Variants in ATP8A1 observed in about 807,000 individuals in gnomAD.
The protein encoded by ATP8A1 is ATPase phospholipid transporting 8A1.
Under a neutral mutation model 177.7 loss-of-function variants are expected in ATP8A1, and 90 were observed. The ratio of observed to expected loss-of-function variants is 0.51; its 90% CI spans 0.43 to 0.60. ATP8A1 has a LOEUF of 0.60. ATP8A1 is among the 20% of genes least tolerant of loss of function. The pLI is 0.00. For synonymous variants in ATP8A1, 493 were observed against 485.9 expected, an observed-to-expected ratio of 1.01 and a Z score of -0.19; for missense variants, 1,072 against 1,392.8, an observed-to-expected ratio of 0.77 and a Z score of 3.67.
At chr4:42,448,401 C>CTTTTCTTTTTTTTTTTTTTTTTT (rs1553875016) in intron 30 of ATP8A1, among the ~76,000 whole-genome samples, 3 of 99,572 alleles carry the variant, frequency 3.0e-5, no homozygotes, top group Admixed American at 1.5e-4. Flanking sequence ...TCTTTCTTTT[C>CTTTTCTTTTTTTTTTTTTTTTTT]TTTTTTTTTT....
intron 20 of ATP8A1, among the ~76,000 whole-genome samples, chr4:42,538,959 T>C (rs1728107699): frequency 6.6e-6 from 1 of 152,154 alleles, no homozygotes; most frequent in African/African-American, 2.4e-5. Flanking sequence ...CTTGCACACA[T>C]GTTTATAGCA....
chr4:42,491,936 G>A (rs901143418), intron 24 of ATP8A1, among the ~76,000 whole-genome samples: 5 of 152,170 alleles, frequency 3.3e-5, no homozygotes, highest in Admixed American at 1.3e-4. Flanking sequence ...TCCATGACTC[G>A]TTAGCCAGGG....
At chr4:42,638,231 G>T (rs1739586781) in intron 1 of ATP8A1, among the ~76,000 whole-genome samples, 1 of 152,160 alleles carries the variant, frequency 6.6e-6, no homozygotes, top group East Asian at 1.9e-4. Context: ...CATGGTAAAT[G>T]ACATGTTTCT....
At chr4:42,420,856 C>T (rs1713828123) in intron 35 of ATP8A1, among the ~76,000 whole-genome samples, 1 of 151,494 alleles carries the variant, frequency 6.6e-6, no homozygotes, top group Admixed American at 6.6e-5. Context: ...GCAAGCTCTG[C>T]CTCCAGGATT....
intron 20 of ATP8A1, among the ~76,000 whole-genome samples, chr4:42,541,946 T>A (rs1469756023): frequency 6.6e-6 from 1 of 152,156 alleles, no homozygotes; most frequent in African/African-American, 2.4e-5. Context: ...ACCATAATGG[T>A]AGATACATGT....
chr4:42,493,103 C>T (rs552632468), intron 24 of ATP8A1, among the ~76,000 whole-genome samples: 87 of 152,204 alleles, frequency 5.7e-4, no homozygotes, highest in African/African-American at 2.0e-3. Flanking sequence ...ATCATACAAA[C>T]GTGCAGTCAT....
chr4:42,475,378 T>C (rs571525125), intron 25 of ATP8A1, among the ~76,000 whole-genome samples: 3 of 152,096 alleles, frequency 2.0e-5, no homozygotes, highest in Admixed American at 6.5e-5. Flanking sequence ...AGACACAGCA[T>C]TGTTAACCAC....
chr4:42,636,156 A>ACACACACACGCGCGTGCGCGCGCG (rs565139270), intron 1 of ATP8A1, among the ~76,000 whole-genome samples: 1,015 of 90,940 alleles, frequency 0.011, 13 homozygotes, highest in Middle Eastern at 0.046. Context: ...ACACACACAC[A>ACACACACACGCGCGTGCGCGCGCG]CGCACACACA....
intron 25 of ATP8A1, among the ~76,000 whole-genome samples, chr4:42,474,547 A>C (rs1720838228): frequency 6.6e-6 from 1 of 152,230 alleles, no homozygotes; most frequent in South Asian, 2.1e-4. Context: ...TGGAACAGGA[A>C]AGCCAGATCT....
chr4:42,522,055 G>C (rs1726182967), intron 22 of ATP8A1, 105 bp downstream of exon 22: 1 of 1,268,610 alleles, frequency 7.9e-7, no homozygotes, highest in Non-Finnish European at 1.1e-6. Flanking sequence ...AATAGTGAAT[G>C]GTATGTCAAG....
chr4:42,504,413 T>G (rs1040860933), intron 23 of ATP8A1, among the ~76,000 whole-genome samples: 5 of 152,250 alleles, frequency 3.3e-5, no homozygotes, highest in African/African-American at 1.2e-4. Context: ...TCATTTGGGT[T>G]AATGGTAATT....
rs1230778249 is a variant in ATP8A1 at position 42,600,491 on chromosome 4, A to T, written c.437T>A (p.Val146Asp). Residue 146 changes from valine (V) to aspartate (D), a missense_variant, in exon 6 of 37, where the codon GTC becomes GAC. By Grantham distance (152) the Val-to-Asp change is radical. This residue lies in a region of ATP8A1 where 344 missense variants were observed against 393.5 expected (regional missense o/e 0.87). Coordinates refer to ENST00000381668, the MANE Select transcript of ATP8A1 (RefSeq NM_006095.2). The part of the protein sequence containing the change: ...QVLRNGAWEI[V>D]HWEKVAVGEI... ...ATCAGTGCATACCTTTTCCCAGTGG[A>T]CAATTTCCCAAGCACCATTTCTCAA... The T allele has an allele frequency of 1.2e-6, 2 of 1,610,584 alleles. No individual in the cohort carries two copies. The highest frequency in any genetic ancestry group is 1.7e-6 in the Non-Finnish European group (2 of 1,178,784).
chr4:42,540,229 G>A (rs1030873312), intron 20 of ATP8A1, among the ~76,000 whole-genome samples: 1 of 152,088 alleles, frequency 6.6e-6, no homozygotes, highest in Non-Finnish European at 1.5e-5. Context: ...ACCACAATGA[G>A]ATGTATCTTA....
intron 33 of ATP8A1, among the ~76,000 whole-genome samples, chr4:42,431,845 G>A (rs1331616087): frequency 6.6e-6 from 1 of 152,170 alleles, no homozygotes; most frequent in Admixed American, 6.5e-5. Context: ...CTAGGTCTCA[G>A]TTAACTCTTT....
At chr4:42,573,994 A>G (rs1385780024) in intron 14 of ATP8A1, among the ~76,000 whole-genome samples, 1 of 152,224 alleles carries the variant, frequency 6.6e-6, no homozygotes, top group Non-Finnish European at 1.5e-5. Context: ...ACCCTATAAA[A>G]TATTTTAAAG....
chr4:42,491,031 T>C (rs1271237931), intron 24 of ATP8A1, among the ~76,000 whole-genome samples: 3 of 152,180 alleles, frequency 2.0e-5, no homozygotes, highest in Non-Finnish European at 4.4e-5. Flanking sequence ...TAAGGATTGT[T>C]GTCTGCTGCC....
intron 25 of ATP8A1, among the ~76,000 whole-genome samples, chr4:42,483,068 T>C (rs978730485): frequency 2.0e-5 from 3 of 151,858 alleles, no homozygotes; most frequent in African/African-American, 7.3e-5. Context: ...GACACTTGGG[T>C]TTAATTGGAA....
At chr4:42,477,284 A>G (rs1301291580) in intron 25 of ATP8A1, among the ~76,000 whole-genome samples, 1 of 152,204 alleles carries the variant, frequency 6.6e-6, no homozygotes, top group Non-Finnish European at 1.5e-5. Flanking sequence ...AATCAAAACA[A>G]CAAGGCGTCA....
intron 33 of ATP8A1, among the ~76,000 whole-genome samples, chr4:42,424,863 A>G (rs915268333): frequency 1.4e-4 from 21 of 152,346 alleles, no homozygotes; most frequent in African/African-American, 5.0e-4. Context: ...AAAACATGCT[A>G]TTACAAAAAA....
Sources: allele counts gnomAD v4.1 joint callset (sites outside exome capture counted in the v4.1 genomes callset), GRCh38; gene constraint gnomAD v4.1.1; regional missense constraint gnomAD v4.1.1; transcripts MANE v1.5; gene names NCBI Gene and HGNC (gene_info 2026-07-23, HGNC 2026-07-21).